CAMTA1: variants seen among roughly 807,000 people sequenced by gnomAD.
CAMTA1 encodes the protein calmodulin binding transcription activator 1.
Under a neutral mutation model 170.9 loss-of-function variants are expected in CAMTA1, and 27 were observed. The observed-to-expected ratio is 0.16, with a 90% confidence interval of 0.12 to 0.22. The LOEUF is 0.22. CAMTA1 is among the 10% of genes least tolerant of loss of function. The probability of loss-of-function intolerance (pLI) is 1.00; values close to 1 mark genes in which losing one functional copy is unlikely to be tolerated. For missense variants in CAMTA1, 1,619 were observed against 2,217.2 expected, an observed-to-expected ratio of 0.73 and a Z score of 5.42; for synonymous variants, 833 against 891.5, an observed-to-expected ratio of 0.93 and a Z score of 1.17.
Position 7,249,869 on chromosome 1 carries a change from G to T in CAMTA1, c.438+243G>T, listed in dbSNP as rs1360257610. Among the ~76,000 whole-genome samples the T allele has an allele frequency of 6.6e-6, 1 of 152,198 alleles. No homozygotes were observed. Among genetic ancestry groups the T allele is most frequent in the East Asian group, 1.9e-4 (1 of 5,194 alleles). Reference sequence around the variant, plus strand: ...GTTTCTTGGGAGTCATTGCTATATAGATGGGGATTTGCAAGTTTCCTGTGG... The same window carrying T: ...GTTTCTTGGGAGTCATTGCTATATATATGGGGATTTGCAAGTTTCCTGTGG... On this transcript the variant is annotated intron_variant, in intron 5 of 22. Coordinates refer to ENST00000303635, the MANE Select transcript of CAMTA1 (RefSeq NM_015215.4). This position sits in a 1 kb window ranked among gnomAD's most constrained non-coding sequence, Gnocchi z 4.4.
chr1:6,788,712 G>A (rs1219922802), intron 1 of CAMTA1, among the ~76,000 whole-genome samples: 1 of 152,066 alleles, frequency 6.6e-6, no homozygotes, highest in Non-Finnish European at 1.5e-5. Flanking sequence ...GAGACTTTGG[G>A]AGTTTTCCCT....
At chr1:7,555,155 G>A (rs2094859020) in intron 6 of CAMTA1, among the ~76,000 whole-genome samples, 1 of 152,120 alleles carries the variant, frequency 6.6e-6, no homozygotes. Context: ...CTGGGAGCCG[G>A]ATTGGCCTGT....
rs35763888 is a variant in CAMTA1, at chr1:7,410,897, CTG to C, written c.439-56907_439-56906del. Among the ~76,000 whole-genome samples the C allele has an allele frequency of 9.0e-3, 1,278 of 141,468 alleles. 13 individuals carry two copies. The highest frequency in any genetic ancestry group is 0.052 in the East Asian group (193 of 3,742). 92.8% of individuals were successfully genotyped at this position (141,468 alleles called of 152,430 possible). A position where few individuals can be genotyped will look rare whatever the true frequency, so the allele number is the denominator to read the frequency against. On this transcript the variant is annotated intron_variant, in intron 5 of 22. Coordinates refer to ENST00000303635, the MANE Select transcript of CAMTA1 (RefSeq NM_015215.4). ...CCCAACGTGCATGGAGGGTGGGCGT[CTG>C]TGTGTGTGTGTGTGTGTGTGTGTGT...
chr1:7,050,452 G>A lies in CAMTA1; in HGVS notation c.235-40852G>A, dbSNP rs1196696530. On this transcript the variant is annotated intron_variant, in intron 3 of 22. Coordinates refer to ENST00000303635, the MANE Select transcript of CAMTA1 (RefSeq NM_015215.4). The surrounding 1 kb of genome is among the most constrained non-coding windows in gnomAD (Gnocchi z 4.8). The stretch of plus-strand genomic sequence containing the variant: ...CATTGCCACTCTGGGTCCCGACCGG[G>A]TGTGGGTTCAGATGAAGACTCTCAA... Among the ~76,000 whole-genome samples, 1 of 152,174 alleles carries A rather than the reference G, an allele frequency of 6.6e-6. No individual in the cohort carries two copies. The highest frequency in any genetic ancestry group is 1.5e-5 in the Non-Finnish European group (1 of 68,020).
In CAMTA1 at chr1:7,402,507, C is replaced by G. The variant is rs540460034; in HGVS notation, c.439-65323C>G. 3.9e-5 allele frequency among the ~76,000 whole-genome samples: 6 copies of G among 152,300 alleles called. No homozygotes were observed. In the South Asian group the frequency reaches 1.2e-3, roughly 32 times the overall value. ...CTGTCCCATCGCCCAAAAATATGAA[C>G]GTGAGGAGGGCATCTTTTCTGTGGC... is the stretch of plus-strand genomic sequence containing the variant. On this transcript the variant is annotated intron_variant, in intron 5 of 22. Transcript: ENST00000303635.
intron 4 of CAMTA1, among the ~76,000 whole-genome samples, chr1:7,229,689 G>C (rs1408699269): frequency 6.6e-6 from 1 of 151,722 alleles, no homozygotes. Context: ...TGGAGGGAGC[G>C]AGCCTGTGAG....
At chr1:7,276,303 A>ATATTTTTT in intron 5 of CAMTA1, among the ~76,000 whole-genome samples, 19 of 24,222 alleles carry the variant, frequency 7.8e-4, no homozygotes, top group African/African-American at 5.7e-3. Context: ...ATATATATAT[A>ATATTTTTT]TTTTTTTTTT....
At chr1:7,438,822 G>C (rs997399327) in intron 5 of CAMTA1, among the ~76,000 whole-genome samples, 1 of 152,210 alleles carries the variant, frequency 6.6e-6, no homozygotes, top group Non-Finnish European at 1.5e-5. Flanking sequence ...ACTGAGCAGG[G>C]TTGGACAGGA....
chr1:7,498,953 G>C (rs560780291), intron 6 of CAMTA1, among the ~76,000 whole-genome samples: 1 of 146,234 alleles, frequency 6.8e-6, no homozygotes, highest in Non-Finnish European at 1.5e-5. Flanking sequence ...GTCCATGAGT[G>C]TGTAGAGAGG....
Position 7,562,180 on chromosome 1 carries a change from G to A in CAMTA1, c.511-78220G>A, listed in dbSNP as rs779787613. 4.7e-4 allele frequency among the ~76,000 whole-genome samples: 72 copies of A among 152,112 alleles called. No homozygotes were observed. The highest frequency in any genetic ancestry group is 8.2e-4 in the Non-Finnish European group (56 of 68,014). On this transcript the variant is annotated intron_variant, in intron 6 of 22. Coordinates refer to ENST00000303635, the MANE Select transcript of CAMTA1 (RefSeq NM_015215.4). The surrounding 1 kb of genome is among the most constrained non-coding windows in gnomAD (Gnocchi z 4.8). ...TTGCAGCTGCCCAGTCCTGAGGCCCGGCACCCCAGCTCCGGCCCCTCCCAA... is the reference window on the plus strand; with the variant it reads ...TTGCAGCTGCCCAGTCCTGAGGCCCAGCACCCCAGCTCCGGCCCCTCCCAA...
intron 5 of CAMTA1, among the ~76,000 whole-genome samples, chr1:7,430,285 T>G (rs2092094974): frequency 6.6e-6 from 1 of 151,380 alleles, no homozygotes; most frequent in Non-Finnish European, 1.5e-5. Flanking sequence ...ATGACGAGGA[T>G]GATGGAGATG....
chr1:7,354,150 CT>C (rs565138164), intron 5 of CAMTA1, among the ~76,000 whole-genome samples: 312 of 140,398 alleles, frequency 2.2e-3, no homozygotes, highest in Middle Eastern at 7.3e-3. Context: ...TTCTTTTTCT[CT>C]TTTTTTTTTT....
At chr1:7,617,636 G>T (rs1263814773) in intron 6 of CAMTA1, among the ~76,000 whole-genome samples, 1 of 152,104 alleles carries the variant, frequency 6.6e-6, no homozygotes, top group African/African-American at 2.4e-5. Flanking sequence ...GGACACAGCA[G>T]GGGTGCCAGA....
intron 5 of CAMTA1, among the ~76,000 whole-genome samples, chr1:7,304,164 C>T (rs1184229475): frequency 1.3e-5 from 2 of 152,234 alleles, no homozygotes; most frequent in South Asian, 2.1e-4. Flanking sequence ...CACAACAATG[C>T]GAACGTCCTC....
chr1:7,142,731 G>A (rs1213691654), intron 4 of CAMTA1, among the ~76,000 whole-genome samples: 2 of 152,188 alleles, frequency 1.3e-5, no homozygotes, highest in African/African-American at 4.8e-5. Context: ...TCATGAATGG[G>A]AGCAGCCTGA....
At chr1:6,884,515 G>A (rs529087641) in intron 3 of CAMTA1, among the ~76,000 whole-genome samples, 2 of 152,284 alleles carry the variant, frequency 1.3e-5, no homozygotes, top group South Asian at 2.1e-4. Flanking sequence ...TCTCATGAAA[G>A]CCTCCAAGGA....
chr1:7,707,276 A>G (rs1235240471), intron 11 of CAMTA1, among the ~76,000 whole-genome samples: 1 of 152,202 alleles, frequency 6.6e-6, no homozygotes, highest in African/African-American at 2.4e-5. Flanking sequence ...CTGTTCTAGA[A>G]TCCAGTACGT....
chr1:7,089,819 T>A (rs920913909), intron 3 of CAMTA1, among the ~76,000 whole-genome samples: 2 of 152,116 alleles, frequency 1.3e-5, no homozygotes, highest in African/African-American at 4.8e-5. Context: ...GACGCCATCA[T>A]GAATAGTTAG....
intron 6 of CAMTA1, among the ~76,000 whole-genome samples, chr1:7,509,864 A>C (rs575609954): frequency 1.2e-4 from 19 of 152,096 alleles, no homozygotes; most frequent in African/African-American, 4.6e-4. Flanking sequence ...TGTGGTCCAA[A>C]GTCTGCTCAT....
Sources: gnomAD v4.1 joint callset for allele counts (sites outside exome capture counted in the v4.1 genomes callset) on GRCh38, gnomAD v4.1.1 for gene constraint, Gnocchi (gnomAD v3.1) non-coding constraint, MANE v1.5 for transcripts, NCBI Gene and HGNC (gene_info 2026-07-23, HGNC 2026-07-21) for gene names.